Variants in PDZD2 observed in about 807,000 individuals in gnomAD.
The protein encoded by PDZD2 is PDZ domain-containing protein 2.
Under a neutral mutation model 220.7 loss-of-function variants are expected in PDZD2, and 90 were observed. The ratio of observed to expected loss-of-function variants is 0.41; its 90% CI spans 0.34 to 0.49. The LOEUF (loss-of-function observed/expected upper bound fraction) is 0.49, where lower values mean the gene tolerates loss of function less well. Ranked by LOEUF, PDZD2 falls within the 20% of genes least tolerant of loss-of-function variation. The probability of loss-of-function intolerance (pLI) is 0.28; values close to 1 mark genes in which losing one functional copy is unlikely to be tolerated. For missense variants in PDZD2, 3,174 were observed against 3,608.5 expected, an observed-to-expected ratio of 0.88 and a Z score of 3.08; for synonymous variants, 1,375 against 1,450.5, an observed-to-expected ratio of 0.95 and a Z score of 1.18.
At chr5:31,779,643 G>A (rs960246165) in intron 1 of PDZD2, among the ~76,000 whole-genome samples, 1 of 152,142 alleles carries the variant, frequency 6.6e-6, no homozygotes, top group African/African-American at 2.4e-5. Context: ...AAAGTGCTGG[G>A]ATTGCAGGTG....
rs367657334 is a variant in PDZD2 at position 31,659,912 on chromosome 5, A to G, written c.-361+20475A>G. ...ACTTTGAGGTTTAATTCAGCAGCTAATAAGCCCATCCTGCATACTTTGTCG... is the reference window on the plus strand; with the variant it reads ...ACTTTGAGGTTTAATTCAGCAGCTAGTAAGCCCATCCTGCATACTTTGTCG... On this transcript the variant is annotated intron_variant, in intron 1 of 24. Transcript: ENST00000438447. 1.3e-4 allele frequency among the ~76,000 whole-genome samples: 20 copies of G among 152,330 alleles called. No homozygotes were observed. In the South Asian group the frequency reaches 3.9e-3, roughly 30 times the overall value.
At chr5:31,917,482 C>T (rs934357248) in intron 2 of PDZD2, among the ~76,000 whole-genome samples, 1 of 152,178 alleles carries the variant, frequency 6.6e-6, no homozygotes, top group Non-Finnish European at 1.5e-5. Flanking sequence ...GAGCCATGTT[C>T]ACACCACTGC....
At position 32,089,119 on chromosome 5, in the gene PDZD2, A is replaced by G. The variant is rs1190256038; in HGVS notation, c.5671A>G (p.Lys1891Glu). 4.3e-6 allele frequency: 7 copies of G among 1,614,036 alleles called. No homozygotes were observed. Among genetic ancestry groups the G allele is most frequent in the Non-Finnish European group, 5.9e-6 (7 of 1,180,020 alleles). ...TCCGAAGCTGAAGAGGCTCAGCCTC[A>G]AGGGCAAGGCCAAAGTCAACTCTGA... is the stretch of plus-strand genomic sequence containing the variant. ...CGPKLKRLSL[K>E]GKAKVNSEAP... is the part of the protein sequence containing the mutation. Residue 1891 changes from lysine (K) to glutamate (E), a missense_variant, in exon 20 of 25, where the codon AAG becomes GAG. This residue lies in a region of PDZD2 where 1,861 missense variants were observed against 2,001.0 expected (regional missense o/e 0.93). Transcript: ENST00000438447.
intron 1 of PDZD2, among the ~76,000 whole-genome samples, chr5:31,735,397 G>A (rs1749798808): frequency 6.6e-6 from 1 of 152,192 alleles, no homozygotes; most frequent in Non-Finnish European, 1.5e-5. Flanking sequence ...TAAGATAAAA[G>A]TGTAAGAGAT....
rs869296191 is a variant in PDZD2 at position 31,790,691 on chromosome 5, ATTTTTTTTTTTTT to A, written c.-360-8185_-360-8173del. 4.0e-5 allele frequency among the ~76,000 whole-genome samples: 3 copies of A among 75,498 alleles called. No homozygotes were observed. The South Asian group carries it at 1.7e-3, about 42-fold the overall frequency. 49.5% of individuals were successfully genotyped at this position (75,498 alleles called of 152,430 possible). On this transcript the variant is annotated intron_variant, in intron 1 of 24. Coordinates refer to ENST00000438447, the MANE Select transcript of PDZD2 (RefSeq NM_178140.4). ...CTTAGAATCCGCACCTATCTCTCTA[ATTTTTTTTTTTTT>A]TTTTTTTTTTTTGAGACAGAGTCTC...
At chr5:31,755,101 G>A (rs949945104) in intron 1 of PDZD2, among the ~76,000 whole-genome samples, 1 of 152,164 alleles carries the variant, frequency 6.6e-6, no homozygotes, top group Non-Finnish European at 1.5e-5. Flanking sequence ...GCAGCAACCC[G>A]TGGCCGACTG....
intron 2 of PDZD2, among the ~76,000 whole-genome samples, chr5:31,800,836 G>A (rs933278623): frequency 2.6e-5 from 4 of 152,200 alleles, no homozygotes; most frequent in Admixed American, 2.6e-4. Flanking sequence ...TGTCCTAGAA[G>A]GAGAGAATCA....
intron 1 of PDZD2, among the ~76,000 whole-genome samples, chr5:31,654,511 A>G (rs1047043452): frequency 6.6e-6 from 1 of 151,866 alleles, no homozygotes; most frequent in African/African-American, 2.4e-5. Context: ...ACTCCCACCG[A>G]TCTTATCTCC....
chr5:32,063,027 A>ATATTATTATTAT (rs147802513), intron 14 of PDZD2, among the ~76,000 whole-genome samples: 16,674 of 142,214 alleles, frequency 0.12, 1,063 homozygotes, highest in East Asian at 0.19. Context: ...TGAGAATGAA[A>ATATTATTATTAT]TATTATTATT....
rs1166413969 is a variant in PDZD2 at position 32,000,248 on chromosome 5, G to C, written c.1231G>C (p.Val411Leu). 6.2e-7 allele frequency: 1 copy of C among 1,614,078 alleles called. No individual in the cohort carries two copies. Among genetic ancestry groups the C allele is most frequent in the Non-Finnish European group, 8.5e-7 (1 of 1,180,044 alleles). The part of the protein sequence containing the change: ...VAILRSATGM[V>L]QLVVASKENS... ...CATTCTTCGCTCCGCCACGGGAATG[G>C]TGCAGCTTGTGGTGGCCAGCAAGGT... The change falls in exon 5 of 25, where the codon GTG (valine) becomes CTG (leucine). Residue 411 changes from valine to leucine, a missense_variant. Coordinates refer to ENST00000438447, the MANE Select transcript of PDZD2 (RefSeq NM_178140.4). This position sits in a 1 kb window ranked among gnomAD's most constrained non-coding sequence, Gnocchi z 4.5.
At chr5:31,821,409 TCTCA>T (rs1326273872) in intron 2 of PDZD2, among the ~76,000 whole-genome samples, 1 of 150,454 alleles carries the variant, frequency 6.6e-6, no homozygotes, top group Non-Finnish European at 1.5e-5. Context: ...TGAGATGGAG[TCTCA>T]CTCTGTCGCA....
intron 1 of PDZD2, among the ~76,000 whole-genome samples, chr5:31,673,310 G>T (rs928787398): frequency 3.2e-4 from 48 of 152,204 alleles, no homozygotes; most frequent in African/African-American, 1.1e-3. Context: ...ATGTGAGGGA[G>T]TCTTCCCCAT....
At chr5:31,853,643 G>T (rs1037059590) in intron 2 of PDZD2, among the ~76,000 whole-genome samples, 1 of 152,184 alleles carries the variant, frequency 6.6e-6, no homozygotes, top group Admixed American at 6.5e-5. Context: ...TACTGGAATT[G>T]AAGCTTTCTT....
chr5:31,856,331 C>T (rs1395591685), intron 2 of PDZD2, among the ~76,000 whole-genome samples: 1 of 152,134 alleles, frequency 6.6e-6, no homozygotes, highest in Non-Finnish European at 1.5e-5. Context: ...GGTGCAGCTG[C>T]AGGACTCACA....
At chr5:31,664,922 A>C (rs1490210545) in intron 1 of PDZD2, 1 of 152,220 alleles carries the variant, frequency 6.6e-6, no homozygotes, top group Non-Finnish European at 1.5e-5. Context: ...CTTGGGTTGG[A>C]GTGAAACACC....
intron 1 of PDZD2, among the ~76,000 whole-genome samples, chr5:31,774,704 A>G (rs1443142549): frequency 6.6e-6 from 1 of 151,994 alleles, no homozygotes; most frequent in African/African-American, 2.4e-5. Context: ...GTGAAACAAG[A>G]GCAAAACTCC....
chr5:31,927,470 G>A (rs1430522514), intron 2 of PDZD2, among the ~76,000 whole-genome samples: 2 of 152,034 alleles, frequency 1.3e-5, no homozygotes, highest in African/African-American at 4.8e-5. Context: ...TGCAGCCTTC[G>A]CCTCCCAGGC....
At chr5:31,821,780 C>G (rs927889322) in intron 2 of PDZD2, among the ~76,000 whole-genome samples, 2 of 152,080 alleles carry the variant, frequency 1.3e-5, no homozygotes. Context: ...CTGCGCCCAT[C>G]AAGCCGTCAT....
At chr5:31,751,587 T>G (rs578142738) in intron 1 of PDZD2, among the ~76,000 whole-genome samples, 3 of 152,134 alleles carry the variant, frequency 2.0e-5, no homozygotes, top group Non-Finnish European at 4.4e-5. Context: ...TGCTTGTAAG[T>G]TTCCTTTGGA....
Sources: allele counts gnomAD v4.1 joint callset (sites outside exome capture counted in the v4.1 genomes callset), GRCh38; gene constraint gnomAD v4.1.1; regional missense constraint gnomAD v4.1.1; non-coding constraint Gnocchi (gnomAD v3.1); transcripts MANE v1.5; gene names NCBI Gene and HGNC (gene_info 2026-07-23, HGNC 2026-07-21).